The following USP43 variants were observed in gnomAD, a reference collection of about 807,000 sequenced individuals.
USP43 encodes the protein ubiquitin specific peptidase 43, also known as ubiquitin carboxyl-terminal hydrolase 43.
USP43 carries 33 observed loss-of-function variants against 90.7 expected under a neutral mutation model. The observed-to-expected ratio is 0.36, with a 90% CI of 0.28 to 0.49. The LOEUF is 0.49. Ranked by LOEUF, USP43 falls within the 20% of genes least tolerant of loss-of-function variation. The probability of loss-of-function intolerance (pLI) is 0.98; values close to 1 mark genes in which losing one functional copy is unlikely to be tolerated. For missense variants in USP43, 1,274 were observed against 1,476.4 expected, an observed-to-expected ratio of 0.86 and a Z score of 2.25; for synonymous variants, 598 against 615.8, an observed-to-expected ratio of 0.97 and a Z score of 0.43.
chr17:9,721,415 T>G (rs889683453), intron 14 of USP43, among the ~76,000 whole-genome samples: 4 of 152,230 alleles, frequency 2.6e-5, no homozygotes, highest in Admixed American at 6.5e-5. Flanking sequence ...TTGATTTTTG[T>G]GGATTGTGAT....
At chr17:9,664,636 ATTTT>A in intron 2 of USP43, among the ~76,000 whole-genome samples, 1 of 134,198 alleles carries the variant, frequency 7.5e-6, no homozygotes. Context: ...CCTTGCATAG[ATTTT>A]TTTTTTTTTT....
intron 3 of USP43, among the ~76,000 whole-genome samples, chr17:9,670,039 C>CTTTTTTTTTTTT (rs148536442): frequency 9.9e-5 from 13 of 131,550 alleles, no homozygotes; most frequent in South Asian, 2.4e-4. Context: ...GAGGTGACTG[C>CTTTTTTTTTTTT]TTTTTTTTTT....
At chr17:9,656,588 A>T in intron 2 of USP43, 54 bp downstream of exon 2, 1 of 1,531,294 alleles carries the variant, frequency 6.5e-7, no homozygotes, top group East Asian at 2.4e-5. Flanking sequence ...TTTCTTTTAA[A>T]TATTGACTCA....
At position 9,718,835 on chromosome 17, in the gene USP43, C is replaced by T. The variant is rs367990058; in HGVS notation, c.2335+6703C>T. Among the ~76,000 whole-genome samples the T allele has an allele frequency of 7.3e-5, 11 of 151,472 alleles. No homozygotes were observed. The East Asian group carries it at 1.4e-3, about 19-fold the overall frequency. Reference sequence around the variant, plus strand: ...AGTCTGGGCAACAAGAGCAAAACTCCGTCTCAAAAAAAAGAAAAAGAAAAA... The same window carrying T: ...AGTCTGGGCAACAAGAGCAAAACTCTGTCTCAAAAAAAAGAAAAAGAAAAA... On this transcript the variant is annotated intron_variant, in intron 14 of 14. Coordinates refer to ENST00000285199, the MANE Select transcript of USP43 (RefSeq NM_153210.5).
At chr17:9,668,625 C>T (rs1387199579) in intron 3 of USP43, among the ~76,000 whole-genome samples, 2 of 152,160 alleles carry the variant, frequency 1.3e-5, no homozygotes, top group Non-Finnish European at 2.9e-5. Flanking sequence ...GCGGGCTCTT[C>T]GTTCCTGCTT....
chr17:9,710,871 C>T (rs945791187), intron 13 of USP43, among the ~76,000 whole-genome samples: 3 of 151,752 alleles, frequency 2.0e-5, no homozygotes, highest in African/African-American at 4.8e-5. Context: ...GACCCTTTCA[C>T]GTGATTTGTT....
chr17:9,701,731 A>G lies in USP43; in HGVS notation c.2011+31A>G. 6.7e-7 allele frequency: 1 copy of G among 1,487,646 alleles called. No individual in the cohort carries two copies. Among genetic ancestry groups the G allele is most frequent in the Non-Finnish European group, 9.0e-7 (1 of 1,110,378 alleles). The allele number at this position is 1,487,646 out of a possible 1,614,324, so 92.2% of individuals were successfully genotyped here. ...CCTTGCCTTGCCTTTCTGCAAATGC[A>G]GCTGTGGCCACAGCCTCGAGATGTC... On this transcript the variant is annotated intron_variant, in intron 12 of 14. Transcript: ENST00000285199. The surrounding 1 kb of genome is among the most constrained non-coding windows in gnomAD (Gnocchi z 7.2).
intron 1 of USP43, among the ~76,000 whole-genome samples, chr17:9,648,111 A>G (rs1037428511): frequency 1.3e-5 from 2 of 152,224 alleles, no homozygotes; most frequent in Non-Finnish European, 2.9e-5. Context: ...TCCCGCTGTC[A>G]AATCCCCAGG....
intron 1 of USP43, among the ~76,000 whole-genome samples, chr17:9,651,219 C>T (rs951050975): frequency 2.0e-5 from 3 of 151,794 alleles, no homozygotes; most frequent in African/African-American, 7.3e-5. Context: ...GACAGAGTCT[C>T]ACTCTGTCAC....
In USP43 at chr17:9,687,351, A is replaced by G. The variant is rs186441006; in HGVS notation, c.1353+442A>G. ...CTTTTATGTTTAAATCAACAATTTC[A>G]AGGGACTTGAGATAGAATTTCTGGG... On this transcript the variant is annotated intron_variant, in intron 8 of 14. Transcript: ENST00000285199. 2.1e-3 allele frequency among the ~76,000 whole-genome samples: 327 copies of G among 152,314 alleles called. 1 individual carries two copies. The highest frequency in any genetic ancestry group is 3.9e-3 in the Non-Finnish European group (262 of 68,014).
intron 3 of USP43, among the ~76,000 whole-genome samples, chr17:9,672,964 A>G (rs958922198): frequency 5.9e-5 from 9 of 152,322 alleles, no homozygotes; most frequent in Middle Eastern, 3.4e-3. Flanking sequence ...ACTTTCCACA[A>G]GGACTCAGGA....
chr17:9,671,349 G>A (rs1439895715), intron 3 of USP43, among the ~76,000 whole-genome samples: 1 of 152,096 alleles, frequency 6.6e-6, no homozygotes, highest in African/African-American at 2.4e-5. Flanking sequence ...AAAGTCTAAG[G>A]ATGTTTTTGA....
At chr17:9,722,558 G>T (rs1917023400) in intron 14 of USP43, among the ~76,000 whole-genome samples, 1 of 152,196 alleles carries the variant, frequency 6.6e-6, no homozygotes, top group African/African-American at 2.4e-5. Context: ...TTTGTTTCCT[G>T]GTTCATTGGG....
At chr17:9,666,328 G>A (rs1034737232) in intron 2 of USP43, among the ~76,000 whole-genome samples, 2 of 152,154 alleles carry the variant, frequency 1.3e-5, no homozygotes, top group Non-Finnish European at 1.5e-5. Flanking sequence ...CATTGAAGCC[G>A]AGTGGGACAG....
chr17:9,698,903 C>T (rs1386119374), intron 9 of USP43, among the ~76,000 whole-genome samples: 4 of 152,216 alleles, frequency 2.6e-5, no homozygotes, highest in Non-Finnish European at 4.4e-5. Context: ...AATTAAATTA[C>T]GTACCCGCAG....
intron 8 of USP43, among the ~76,000 whole-genome samples, chr17:9,691,771 A>G (rs919970730): frequency 4.6e-5 from 7 of 152,238 alleles, no homozygotes; most frequent in South Asian, 2.1e-4. Flanking sequence ...AAATTAGGCC[A>G]GGTGCGGTGG....
At chr17:9,702,882 A>G (rs1338430072) in intron 12 of USP43, among the ~76,000 whole-genome samples, 1 of 152,126 alleles carries the variant, frequency 6.6e-6, no homozygotes, top group Admixed American at 6.5e-5. Flanking sequence ...CAGGCTGGGG[A>G]CCACCTGAGT....
At chr17:9,685,384 A>G (rs1461221381) in intron 7 of USP43, among the ~76,000 whole-genome samples, 5 of 152,234 alleles carry the variant, frequency 3.3e-5, no homozygotes, top group Non-Finnish European at 7.3e-5. Context: ...ATGTTGGGAC[A>G]TGGATACCAT....
chr17:9,674,754 T>A lies in USP43; in HGVS notation c.741-137T>A, dbSNP rs1290162587. 1 of 736,146 alleles carries A rather than the reference T, an allele frequency of 1.4e-6. No individual in the cohort carries two copies. 45.6% of individuals were successfully genotyped at this position (736,146 alleles called of 1,614,324 possible). ...ACTTGTGTACAAGTATTTGAACACC[T>A]GTTCTCAATTCTTCTGGGTATGTAC... is the stretch of plus-strand genomic sequence containing the variant. On this transcript the variant is annotated intron_variant, in intron 3 of 14. Coordinates refer to ENST00000285199, the MANE Select transcript of USP43 (RefSeq NM_153210.5). This position sits in a 1 kb window ranked among gnomAD's most constrained non-coding sequence, Gnocchi z 4.4.
Sources: gnomAD v4.1 joint callset for allele counts (sites outside exome capture counted in the v4.1 genomes callset) on GRCh38, gnomAD v4.1.1 for gene constraint, Gnocchi (gnomAD v3.1) non-coding constraint, MANE v1.5 for transcripts, NCBI Gene and HGNC (gene_info 2026-07-23, HGNC 2026-07-21) for gene names.